The following NSRP1 variants were observed in gnomAD, a reference collection of about 807,000 sequenced individuals.
The protein encoded by NSRP1 is coiled-coil domain containing 55.
In NSRP1, 24 loss-of-function variants were observed where a neutral mutation model predicts 54.7. That is an observed-to-expected ratio of 0.44 (90% confidence interval 0.32 to 0.62). The LOEUF (loss-of-function observed/expected upper bound fraction) is 0.62. NSRP1 is among the 20% of genes least tolerant of loss of function. The pLI is 0.06. For synonymous variants in NSRP1, 210 were observed against 213.8 expected (o/e 0.98, Z 0.15); for missense variants, 596 against 651.2 (o/e 0.92, Z 0.92).
chr17:30,124,029 CT>C (rs1213551695), intron 2 of NSRP1, among the ~76,000 whole-genome samples: 5 of 151,936 alleles, frequency 3.3e-5, no homozygotes, highest in Admixed American at 3.3e-4. Context: ...CCCTCATGCA[CT>C]TTCGGAGGCT....
At position 30,169,996 on chromosome 17, in the gene NSRP1, G is replaced by GT. The variant is rs138358292; in HGVS notation, c.115-2537dup. 3.9e-3 allele frequency among the ~76,000 whole-genome samples: 588 copies of GT among 150,772 alleles called. 5 individuals carry two copies. Among genetic ancestry groups the GT allele is most frequent in the African/African-American group, 0.014 (573 of 41,128 alleles). Reference sequence around the variant, plus strand: ...TGTTTTTATGTATATTTAAGACTTCGTTTTTTTTTAAACAGCAGTTTTAGA... The same window carrying GT: ...TGTTTTTATGTATATTTAAGACTTCGTTTTTTTTTTAAACAGCAGTTTTAGA... On this transcript the variant is annotated intron_variant, in intron 2 of 6. Coordinates refer to ENST00000247026, the MANE Select transcript of NSRP1 (RefSeq NM_032141.4).
chr17:30,127,727 T>C (rs2071663386), intron 2 of NSRP1: 2 of 338,114 alleles, frequency 5.9e-6, no homozygotes, highest in Non-Finnish European at 1.1e-5. Context: ...TTGTTGCTTT[T>C]GGATAAAGAG....
At chr17:30,162,831 A>G (rs1039100777) in intron 2 of NSRP1, among the ~76,000 whole-genome samples, 1 of 152,092 alleles carries the variant, frequency 6.6e-6, no homozygotes, top group African/African-American at 2.4e-5. Context: ...TTTCAATGTC[A>G]TTAGACTATA....
At chr17:30,128,924 T>G (rs530624329) in intron 2 of NSRP1, among the ~76,000 whole-genome samples, 17 of 151,968 alleles carry the variant, frequency 1.1e-4, no homozygotes, top group African/African-American at 1.4e-4. Context: ...TTTTTGTTTT[T>G]TTTTTTTTAA....
intron 2 of NSRP1, among the ~76,000 whole-genome samples, chr17:30,171,958 A>T (rs1904947650): frequency 1.3e-4 from 18 of 135,458 alleles, no homozygotes; most frequent in African/African-American, 4.2e-4. Flanking sequence ...ACACACACAC[A>T]CACACACACA....
chr17:30,139,073 A>G (rs1302285423), intron 2 of NSRP1, among the ~76,000 whole-genome samples: 2 of 151,034 alleles, frequency 1.3e-5, no homozygotes, highest in Non-Finnish European at 2.9e-5. Context: ...GCCTGCTACC[A>G]TGCCTAGCTA....
Position 30,185,927 on chromosome 17 carries a change from A to C in NSRP1, c.*253A>C, listed in dbSNP as rs1597626081. ...TTCAAGAACCGTTAAGAGTGTGCTA[A>C]TTCCCTGTAGGTACATAATGAGGAA... On this transcript the variant is annotated 3_prime_UTR_variant, in exon 7 of 7. Coordinates refer to ENST00000247026, the MANE Select transcript of NSRP1 (RefSeq NM_032141.4). 7.0e-6 allele frequency: 2 copies of C among 284,972 alleles called. No individual in the cohort carries two copies. The highest frequency in any genetic ancestry group is 1.2e-4 in the East Asian group (2 of 16,676). The allele number at this position is 284,972 out of a possible 1,614,324, so 17.7% of individuals were successfully genotyped here. A position where few individuals can be genotyped will look rare whatever the true frequency, so the allele number is the denominator to read the frequency against.
chr17:30,167,385 T>A (rs1904772568), intron 2 of NSRP1, among the ~76,000 whole-genome samples: 1 of 152,068 alleles, frequency 6.6e-6, no homozygotes, highest in Admixed American at 6.6e-5. Context: ...CCAAGGCAGG[T>A]GGATCATGAG....
At chr17:30,175,663 C>A (rs541364305) in intron 3 of NSRP1, among the ~76,000 whole-genome samples, 2 of 152,094 alleles carry the variant, frequency 1.3e-5, no homozygotes, top group Non-Finnish European at 2.9e-5. Context: ...TCTTCGCCCC[C>A]CAAAGTGTTG....
intron 2 of NSRP1, among the ~76,000 whole-genome samples, chr17:30,138,727 A>G (rs1289820208): frequency 6.6e-6 from 1 of 151,914 alleles, no homozygotes. Context: ...TCTGTGTTTA[A>G]GTTTTTGAGG....
chr17:30,162,185 C>T (rs543854618), intron 2 of NSRP1, among the ~76,000 whole-genome samples: 2 of 152,032 alleles, frequency 1.3e-5, no homozygotes, highest in East Asian at 1.9e-4. Context: ...CCACCATGCC[C>T]GGCTAATTTT....
intron 2 of NSRP1, among the ~76,000 whole-genome samples, chr17:30,156,020 A>G (rs902575042): frequency 2.6e-5 from 4 of 151,398 alleles, no homozygotes; most frequent in Non-Finnish European, 5.9e-5. Flanking sequence ...TTATACTTTT[A>G]GTAGAGACAG....
intron 2 of NSRP1, among the ~76,000 whole-genome samples, chr17:30,151,876 A>G (rs1378830569): frequency 7.3e-6 from 1 of 136,396 alleles, no homozygotes; most frequent in African/African-American, 2.8e-5. Flanking sequence ...TCCGCCTCCT[A>G]GGTTCAAGTG....
chr17:30,160,902 C>T (rs187241219), intron 2 of NSRP1, among the ~76,000 whole-genome samples: 145 of 152,266 alleles, frequency 9.5e-4, no homozygotes, highest in African/African-American at 3.3e-3. Flanking sequence ...CTGAGAGAAG[C>T]TAAAATTTCA....
chr17:30,160,817 T>C (rs1904486625), intron 2 of NSRP1, among the ~76,000 whole-genome samples: 3 of 152,224 alleles, frequency 2.0e-5, no homozygotes, highest in Admixed American at 2.0e-4. Context: ...AGATCTGTGC[T>C]CTCAAGGAGA....
intron 2 of NSRP1, among the ~76,000 whole-genome samples, chr17:30,135,981 G>A (rs1403586431): frequency 1.3e-5 from 2 of 152,052 alleles, no homozygotes; most frequent in Admixed American, 1.3e-4. Flanking sequence ...GGTAGGCCAA[G>A]GCGGGTGGAT....
intron 2 of NSRP1, among the ~76,000 whole-genome samples, chr17:30,151,883 A>G (rs761896839): frequency 6.7e-6 from 1 of 148,880 alleles, no homozygotes; most frequent in African/African-American, 2.5e-5. Context: ...CCTAGGTTCA[A>G]GTGATTCTCC....
chr17:30,125,571 A>T (rs919001557), intron 2 of NSRP1, among the ~76,000 whole-genome samples: 12 of 152,152 alleles, frequency 7.9e-5, no homozygotes, highest in Admixed American at 3.3e-4. Flanking sequence ...TTTTTGAGAC[A>T]GAGTCTAGCT....
chr17:30,172,617 A>G lies in NSRP1; in HGVS notation c.171+19A>G, dbSNP rs1904994667. ...GAAACAGGTAAGGTAGAAGACTGGG[A>G]TAAGTGCATTCAGTGAAGCATTCCG... On this transcript the variant is annotated intron_variant, in intron 3 of 6. Coordinates refer to ENST00000247026, the MANE Select transcript of NSRP1 (RefSeq NM_032141.4). The G allele has an allele frequency of 3.1e-6, 5 of 1,598,854 alleles. No individual in the cohort carries two copies. Among genetic ancestry groups the G allele is most frequent in the Non-Finnish European group, 4.3e-6 (5 of 1,170,718 alleles).
Sources: allele counts gnomAD v4.1 joint callset (sites outside exome capture counted in the v4.1 genomes callset), GRCh38; gene constraint gnomAD v4.1.1; transcripts MANE v1.5; gene names NCBI Gene and HGNC (gene_info 2026-07-23, HGNC 2026-07-21).